The following ABTB2 variants were observed in gnomAD, a reference collection of about 807,000 sequenced individuals.
The protein encoded by ABTB2 is ankyrin repeat and BTB/POZ domain-containing protein 2.
ABTB2 carries 56 observed loss-of-function variants against 104.1 expected under a neutral mutation model. The ratio of observed to expected loss-of-function variants is 0.54; its 90% confidence interval spans 0.43 to 0.67. ABTB2 has a LOEUF of 0.67. Ranked by LOEUF, ABTB2 falls within the 30% of genes least tolerant of loss-of-function variation. The pLI is 0.00. For missense variants in ABTB2, 1,279 were observed against 1,407.7 expected (o/e 0.91, Z 1.46); for synonymous variants, 606 against 608.2 (o/e 1.00, Z 0.05).
chr11:34,168,297 C>T (rs1852829619), intron 5 of ABTB2, among the ~76,000 whole-genome samples: 1 of 152,242 alleles, frequency 6.6e-6, no homozygotes, highest in Admixed American at 6.5e-5. Context: ...CATTTGCCCT[C>T]TCTGTGCCTC....
intron 1 of ABTB2, among the ~76,000 whole-genome samples, chr11:34,331,567 C>A (rs993221578): frequency 3.3e-5 from 5 of 152,184 alleles, no homozygotes; most frequent in Non-Finnish European, 5.9e-5. Flanking sequence ...TGACTGGCCA[C>A]GTGAGGGATG....
At chr11:34,275,908 C>T (rs183719274) in intron 1 of ABTB2, among the ~76,000 whole-genome samples, 115 of 152,236 alleles carry the variant, frequency 7.6e-4, no homozygotes, top group African/African-American at 2.3e-3. Context: ...GGTCATGGCC[C>T]GAGAAGACAG....
In ABTB2 at chr11:34,152,486, G is replaced by A. The variant is rs200312319; in HGVS notation, c.2979C>T (p.Tyr993=). The change falls in exon 17 of 17, where the codon TAC becomes TAT. Residue 993 remains tyrosine, a synonymous_variant. Transcript: ENST00000435224. ...GGCCCTGCACTTTGCTGCTGCGGCC[G>A]TAGATGAGCTGCCGGAAGGCATCCT... The part of the protein sequence containing the change: ...LEQDAFRQLI[Y]GRSSKVQGLD... 4.6e-5 allele frequency: 74 copies of A among 1,608,346 alleles called. No homozygotes were observed. The highest frequency in any genetic ancestry group is 5.7e-5 in the Non-Finnish European group (67 of 1,178,300).
chr11:34,351,741 C>T (rs1855401265), intron 1 of ABTB2, among the ~76,000 whole-genome samples: 1 of 151,868 alleles, frequency 6.6e-6, no homozygotes, highest in South Asian at 2.1e-4. Context: ...ATGAAGTGCA[C>T]AGTTTTATGG....
chr11:34,209,055 T>C (rs879285806), intron 1 of ABTB2, among the ~76,000 whole-genome samples: 12 of 152,170 alleles, frequency 7.9e-5, no homozygotes, highest in Non-Finnish European at 1.5e-4. Context: ...TAAGAATAGT[T>C]AGCATCCTGG....
chr11:34,254,042 A>G (rs546796078), intron 1 of ABTB2, among the ~76,000 whole-genome samples: 15 of 152,336 alleles, frequency 9.8e-5, no homozygotes, highest in African/African-American at 3.4e-4. Context: ...CCACAGCTTA[A>G]TAAGTCATGA....
At chr11:34,166,789 G>C (rs1852806698) in intron 7 of ABTB2, among the ~76,000 whole-genome samples, 1 of 152,202 alleles carries the variant, frequency 6.6e-6, no homozygotes, top group South Asian at 2.1e-4. Flanking sequence ...CTGTGGCTTG[G>C]CTCGACGGGT....
At chr11:34,328,843 A>T (rs948284985) in intron 1 of ABTB2, among the ~76,000 whole-genome samples, 1 of 152,180 alleles carries the variant, frequency 6.6e-6, no homozygotes, top group African/African-American at 2.4e-5. Flanking sequence ...GGCCTCTCAT[A>T]TGGTCACACC....
chr11:34,335,414 T>C, intron 1 of ABTB2: 1 of 792,802 alleles, frequency 1.3e-6, no homozygotes, highest in African/African-American at 1.7e-5. Context: ...AGAGCACTTC[T>C]CTTTCAGTTT....
chr11:34,334,581 C>A (rs1855170133), intron 1 of ABTB2, among the ~76,000 whole-genome samples: 1 of 152,156 alleles, frequency 6.6e-6, no homozygotes, highest in African/African-American at 2.4e-5. Context: ...AACTCCCAAA[C>A]AAAAGCTAGA....
intron 1 of ABTB2, among the ~76,000 whole-genome samples, chr11:34,296,738 G>A (rs1854627237): frequency 6.6e-6 from 1 of 152,146 alleles, no homozygotes; most frequent in Non-Finnish European, 1.5e-5. Flanking sequence ...AATGCTGTAC[G>A]CTTCAAAAAA....
chr11:34,253,448 C>G (rs1222591523), intron 1 of ABTB2, among the ~76,000 whole-genome samples: 2 of 152,084 alleles, frequency 1.3e-5, no homozygotes, highest in Non-Finnish European at 2.9e-5. Context: ...GAGGCCAAAG[C>G]GGGCAGATCA....
intron 5 of ABTB2, 98 bp from the exon 6 acceptor site, chr11:34,168,090 C>A: frequency 8.1e-7 from 1 of 1,230,496 alleles, no homozygotes; most frequent in South Asian, 1.3e-5. Flanking sequence ...TCGGGCACCC[C>A]GCCACCCCAG....
At chr11:34,234,398 C>T (rs1371855481) in intron 1 of ABTB2, among the ~76,000 whole-genome samples, 1 of 152,184 alleles carries the variant, frequency 6.6e-6, no homozygotes, top group Admixed American at 6.5e-5. Flanking sequence ...ATATCAGAGA[C>T]ACAGTAAATT....
chr11:34,201,406 C>T (rs530992500), intron 2 of ABTB2, among the ~76,000 whole-genome samples: 1 of 152,182 alleles, frequency 6.6e-6, no homozygotes, highest in Non-Finnish European at 1.5e-5. Context: ...AGGCCTAGAA[C>T]ATCTGGCTCC....
At chr11:34,285,669 C>T (rs1025258463) in intron 1 of ABTB2, among the ~76,000 whole-genome samples, 4 of 152,194 alleles carry the variant, frequency 2.6e-5, no homozygotes, top group Admixed American at 6.5e-5. Flanking sequence ...GCTAGATTCA[C>T]TCAGGGATTT....
chr11:34,335,191 T>G, intron 1 of ABTB2: 1 of 1,264,090 alleles, frequency 7.9e-7, no homozygotes, highest in South Asian at 1.2e-5. Context: ...ACTACACGGG[T>G]ACCCCAGAGA....
At chr11:34,328,535 T>C (rs919983584) in intron 1 of ABTB2, among the ~76,000 whole-genome samples, 1 of 152,202 alleles carries the variant, frequency 6.6e-6, no homozygotes, top group African/African-American at 2.4e-5. Context: ...GCAAAATTCT[T>C]AGCACTGTAC....
intron 1 of ABTB2, among the ~76,000 whole-genome samples, chr11:34,249,128 T>TCAAA (rs951603898): frequency 1.3e-5 from 2 of 152,294 alleles, no homozygotes; most frequent in African/African-American, 4.8e-5. Context: ...AAACTCTGTC[T>TCAAA]CAAACAAACA....
Sources: allele counts gnomAD v4.1 joint callset (sites outside exome capture counted in the v4.1 genomes callset), GRCh38; gene constraint gnomAD v4.1.1; transcripts MANE v1.5; gene names NCBI Gene and HGNC (gene_info 2026-07-23, HGNC 2026-07-21).